DNAI1: variants seen among roughly 807,000 people sequenced by gnomAD.
DNAI1 encodes the protein dynein axonemal intermediate chain 1.
Under a neutral mutation model 92.0 loss-of-function variants are expected in DNAI1, and 67 were observed. That is an observed-to-expected ratio of 0.73 (90% confidence interval 0.60 to 0.89). DNAI1 has a LOEUF of 0.89. Among genes scored for constraint, DNAI1 ranks in the 40% least tolerant of loss-of-function variants. DNAI1 has a pLI of 0.00. For missense variants in DNAI1, 839 were observed against 866.6 expected (o/e 0.97, Z 0.40); for synonymous variants, 323 against 319.6 (o/e 1.01, Z -0.11).
In DNAI1 at chr9:34,493,307, G is replaced by T; in HGVS notation, c.795G>T (p.Lys265Asn). 6.2e-7 allele frequency: 1 copy of T among 1,614,162 alleles called. No individual in the cohort carries two copies. The highest frequency in any genetic ancestry group is 8.5e-7 in the Non-Finnish European group (1 of 1,179,960). ...AKKSGKMAMR[K>N]LTSMESQTDD... Reference sequence around the variant, plus strand: ...AATCAGGGAAGATGGCCATGAGGAAGCTGACATCTATGGAGTCTCAGGTTT... The same window carrying T: ...AATCAGGGAAGATGGCCATGAGGAATCTGACATCTATGGAGTCTCAGGTTT... Residue 265 changes from lysine to asparagine, a missense_variant, in exon 9 of 20, where the codon AAG becomes AAT. Transcript: ENST00000242317.
intron 4 of DNAI1, chr9:34,488,201 T>C (rs1824510766): frequency 4.7e-6 from 1 of 211,666 alleles, no homozygotes. Context: ...GTATTAGCCT[T>C]CTTTTATAGA....
intron 1 of DNAI1, among the ~76,000 whole-genome samples, chr9:34,463,013 A>G (rs892923249): frequency 7.2e-5 from 11 of 152,334 alleles, no homozygotes; most frequent in African/African-American, 2.4e-4. Flanking sequence ...TGCCAAGAAG[A>G]AAACTAAATC....
intron 1 of DNAI1, among the ~76,000 whole-genome samples, chr9:34,481,555 C>T (rs538388192): frequency 5.9e-5 from 9 of 152,330 alleles, no homozygotes; most frequent in African/African-American, 1.2e-4. Context: ...AATGAAGCCG[C>T]GGACCCTCGC....
intron 1 of DNAI1, among the ~76,000 whole-genome samples, chr9:34,470,854 G>A (rs898786192): frequency 1.3e-5 from 2 of 152,038 alleles, no homozygotes; most frequent in Non-Finnish European, 2.9e-5. Flanking sequence ...ATTTCAAAAG[G>A]TTAATATCTT....
At chr9:34,491,197 C>T in intron 7 of DNAI1, 2 of 489,856 alleles carry the variant, frequency 4.1e-6, no homozygotes, top group East Asian at 7.8e-5. Flanking sequence ...CCTGGCCTGG[C>T]ATCCTGCAGG....
intron 1 of DNAI1, among the ~76,000 whole-genome samples, chr9:34,478,022 C>T (rs1259877938): frequency 2.1e-5 from 3 of 146,122 alleles, no homozygotes; most frequent in African/African-American, 7.7e-5. Context: ...GAATAGCTGA[C>T]GTTACAGGCG....
intron 1 of DNAI1, among the ~76,000 whole-genome samples, chr9:34,473,163 T>C (rs371063242): frequency 2.0e-5 from 3 of 152,050 alleles, no homozygotes; most frequent in South Asian, 4.1e-4. Context: ...TACTTCATTC[T>C]TTCTACTTTA....
intron 8 of DNAI1, 120 bp downstream of exon 8, chr9:34,491,674 C>T (rs1824598749): frequency 9.5e-7 from 1 of 1,053,610 alleles, no homozygotes; most frequent in African/African-American, 1.6e-5. Context: ...TCCTCATCTA[C>T]TTGCCTCCCT....
chr9:34,506,050 C>T (rs570020055), intron 12 of DNAI1, among the ~76,000 whole-genome samples: 1 of 152,216 alleles, frequency 6.6e-6, no homozygotes, highest in South Asian at 2.1e-4. Context: ...TCAAGTGGGC[C>T]TGTGGAAGCC....
intron 13 of DNAI1, among the ~76,000 whole-genome samples, chr9:34,510,529 C>G (rs141431068): frequency 1.3e-5 from 2 of 152,158 alleles, no homozygotes; most frequent in African/African-American, 4.8e-5. Context: ...ATTCTCTTAA[C>G]CTCACTTACC....
chr9:34,483,685 A>G (rs528726870), intron 2 of DNAI1, among the ~76,000 whole-genome samples: 15 of 152,278 alleles, frequency 9.9e-5, no homozygotes, highest in East Asian at 3.9e-4. Context: ...ATAAAATTAC[A>G]TGTATTTATT....
rs565990305 is a variant in DNAI1, at chr9:34,485,235, G to C, written c.175G>C (p.Asp59His). The change falls in exon 3 of 20, where the codon GAT becomes CAT. Residue 59 changes from aspartate (D) to histidine (H), a missense_variant. Transcript: ENST00000242317. ...ACCCCCTGACCAGCTGGAGTTGACC[G>C]ATGCGGTGAGTGAGTAGCCTCTTGT... ...VRPPDQLELT[D>H]AELKEEFTRI... 2 of 1,614,174 alleles carry C rather than the reference G, an allele frequency of 1.2e-6. No homozygotes were observed.
At chr9:34,477,926 T>TC (rs1824270302) in intron 1 of DNAI1, among the ~76,000 whole-genome samples, 2 of 11,786 alleles carry the variant, frequency 1.7e-4, no homozygotes, top group Non-Finnish European at 6.4e-4. Context: ...CTCTCTCTCT[T>TC]TTTTTTTTTT....
At chr9:34,461,755 G>A (rs182238321) in intron 1 of DNAI1, among the ~76,000 whole-genome samples, 39 of 152,338 alleles carry the variant, frequency 2.6e-4, no homozygotes, top group Admixed American at 5.9e-4. Flanking sequence ...GGTTGTGCTA[G>A]GTTGTATTTA....
intron 12 of DNAI1, among the ~76,000 whole-genome samples, chr9:34,501,740 TG>T (rs1002231761): frequency 1.1e-4 from 16 of 149,512 alleles, no homozygotes; most frequent in Admixed American, 9.9e-4. Flanking sequence ...CCCCCCTTCC[TG>T]CCTCCTCCTC....
At chr9:34,515,201 G>A (rs1825151744) in intron 18 of DNAI1, among the ~76,000 whole-genome samples, 1 of 152,200 alleles carries the variant, frequency 6.6e-6, no homozygotes. Flanking sequence ...ACTGAGAATT[G>A]GTGAGAGCTC....
intron 2 of DNAI1, among the ~76,000 whole-genome samples, chr9:34,484,303 G>T (rs936289633): frequency 2.6e-5 from 4 of 151,776 alleles, no homozygotes; most frequent in African/African-American, 9.7e-5. Flanking sequence ...TAAATCTTTG[G>T]GCATATTCCT....
Position 34,512,111 on chromosome 9 carries a change from CAAGTGG to C in DNAI1, c.1315_1320del (p.Lys439_Trp440del). The C allele has an allele frequency of 6.2e-7, 1 of 1,614,080 alleles. No homozygotes were observed. Among genetic ancestry groups the C allele is most frequent in the Non-Finnish European group, 8.5e-7 (1 of 1,179,980 alleles). On this transcript the variant is annotated inframe_deletion, in exon 14 of 20. Coordinates refer to ENST00000242317, the MANE Select transcript of DNAI1 (RefSeq NM_012144.4). ...GCTCACATTTTGGGATGTTTCAGGT[CAAGTGG>C]CAGAAGGATGACATGGACCAAAACC... is the stretch of plus-strand genomic sequence containing the variant.
intron 17 of DNAI1, 28 bp downstream of exon 17, chr9:34,514,570 G>A: frequency 6.2e-7 from 1 of 1,614,190 alleles, no homozygotes; most frequent in Non-Finnish European, 8.5e-7. Context: ...GGCTCTGCCT[G>A]GGGCCCTCCC....
Sources: allele counts gnomAD v4.1 joint callset (sites outside exome capture counted in the v4.1 genomes callset), GRCh38; gene constraint gnomAD v4.1.1; transcripts MANE v1.5; gene names NCBI Gene and HGNC (gene_info 2026-07-23, HGNC 2026-07-21).